Variants in MKX observed in about 807,000 individuals in gnomAD.
MKX encodes the protein mohawk homeobox, also known as homeobox protein Mohawk.
A neutral mutation model predicts 36.0 loss-of-function variants in MKX; 13 were observed. The ratio of observed to expected loss-of-function variants is 0.36; its 90% CI spans 0.24 to 0.57. The LOEUF is 0.57. Ranked by LOEUF, MKX falls within the 20% of genes least tolerant of loss-of-function variation. The pLI, the probability that MKX is intolerant of heterozygous loss-of-function variation, is 0.79. For synonymous variants in MKX, 176 were observed against 178.3 expected, an observed-to-expected ratio of 0.99 and a Z score of 0.10; for missense variants, 458 against 456.4, an observed-to-expected ratio of 1.00 and a Z score of -0.03.
chr10:27,700,201 C>A (rs191146809), intron 5 of MKX, among the ~76,000 whole-genome samples: 511 of 152,310 alleles, frequency 3.4e-3, no homozygotes, highest in Non-Finnish European at 5.5e-3. Flanking sequence ...GATTTACTAA[C>A]AAAGTATGGT....
intron 5 of MKX, among the ~76,000 whole-genome samples, chr10:27,726,304 T>C (rs1834487184): frequency 6.6e-6 from 1 of 152,216 alleles, no homozygotes. Flanking sequence ...TATTCTCATA[T>C]GCAGCTAAAA....
intron 5 of MKX, among the ~76,000 whole-genome samples, chr10:27,715,549 TC>T (rs1836949058): frequency 1.3e-5 from 2 of 152,122 alleles, no homozygotes; most frequent in Non-Finnish European, 2.9e-5. Context: ...ACACTGTTAA[TC>T]CCCTCAGAGA....
At chr10:27,736,823 T>C (rs991323081) in intron 3 of MKX, among the ~76,000 whole-genome samples, 1 of 152,148 alleles carries the variant, frequency 6.6e-6, no homozygotes, top group Non-Finnish European at 1.5e-5. Flanking sequence ...TCTTTGTACC[T>C]GAAGCAATGA....
chr10:27,729,347 G>T (rs1834569542), intron 5 of MKX, among the ~76,000 whole-genome samples: 1 of 137,514 alleles, frequency 7.3e-6, no homozygotes, highest in Admixed American at 8.1e-5. Flanking sequence ...AGACTGGAGT[G>T]CAGTGGCATG....
intron 5 of MKX, among the ~76,000 whole-genome samples, chr10:27,722,042 T>A (rs897393424): frequency 2.6e-5 from 4 of 152,144 alleles, no homozygotes; most frequent in Non-Finnish European, 5.9e-5. Flanking sequence ...GTATATAACA[T>A]GTACTTAAAA....
chr10:27,737,850 G>C (rs1331884638), intron 3 of MKX, among the ~76,000 whole-genome samples: 1 of 152,014 alleles, frequency 6.6e-6, no homozygotes, highest in Non-Finnish European at 1.5e-5. Context: ...ACCACACATA[G>C]TACAGTGTAA....
At chr10:27,692,718 T>A (rs563238410) in intron 5 of MKX, among the ~76,000 whole-genome samples, 13 of 152,358 alleles carry the variant, frequency 8.5e-5, no homozygotes, top group Admixed American at 2.0e-4. Context: ...TAAAGTGAAC[T>A]TAGTTTCTGC....
chr10:27,698,249 G>A (rs959449951), intron 5 of MKX, among the ~76,000 whole-genome samples: 1 of 152,166 alleles, frequency 6.6e-6, no homozygotes, highest in Non-Finnish European at 1.5e-5. Flanking sequence ...TGTGTGCCAA[G>A]ATAAGGAAAG....
chr10:27,685,433 C>A lies in MKX; in HGVS notation c.839-9879G>T, dbSNP rs988249496. ...TGTCTTGAGATCTTCTTTATACTTT[C>A]AGCAGAGTGATTTTTTTTTTTTTTT... On this transcript the variant is annotated intron_variant, in intron 5 of 6. Transcript: ENST00000419761. Among the ~76,000 whole-genome samples, 40 of 140,694 alleles carry A rather than the reference C, an allele frequency of 2.8e-4. No homozygotes were observed. In the Middle Eastern group the frequency reaches 0.011, roughly 39 times the overall value. The allele number at this position is 140,694 out of a possible 152,430, so 92.3% of individuals were successfully genotyped here. A position where few individuals can be genotyped will look rare whatever the true frequency, so the allele number is the denominator to read the frequency against.
At position 27,743,330 on chromosome 10, in the gene MKX, G is replaced by C. The variant is rs760289731; in HGVS notation, c.86C>G (p.Pro29Arg). ...GASERERGGR[P>R]YSGVLDSPHA... ...AGGACTGTCCAGGACACCGCTGTAGGGCCGGCCACCCCGCTCCCGCTCCGA... is the reference window on the plus strand; with the variant it reads ...AGGACTGTCCAGGACACCGCTGTAGCGCCGGCCACCCCGCTCCCGCTCCGA... The change falls in exon 2 of 7, where the codon CCC becomes CGC. Residue 29 changes from proline (P) to arginine (R), a missense_variant. Physicochemically the swap from Pro to Arg is moderately radical, Grantham distance 103 (BLOSUM62 -2). This residue lies in a region of MKX where 149 missense variants were observed against 114.3 expected (regional missense o/e 1.30). Transcript: ENST00000419761. 6.3e-7 allele frequency: 1 copy of C among 1,585,060 alleles called. No homozygotes were observed. The highest frequency in any genetic ancestry group is 1.2e-5 in the South Asian group (1 of 86,494).
chr10:27,691,639 G>A (rs1412062360), intron 5 of MKX, among the ~76,000 whole-genome samples: 1 of 152,120 alleles, frequency 6.6e-6, no homozygotes, highest in East Asian at 1.9e-4. Context: ...TTTGGGGTAT[G>A]AAGGATCCTG....
At chr10:27,695,919 T>C (rs946375927) in intron 5 of MKX, among the ~76,000 whole-genome samples, 3 of 152,168 alleles carry the variant, frequency 2.0e-5, no homozygotes, top group African/African-American at 7.2e-5. Flanking sequence ...TTATGATTAA[T>C]TGAAGAAGTA....
At chr10:27,736,004 T>G (rs1834763552) in intron 3 of MKX, among the ~76,000 whole-genome samples, 1 of 152,164 alleles carries the variant, frequency 6.6e-6, no homozygotes, top group Non-Finnish European at 1.5e-5. Flanking sequence ...AATGATGTGT[T>G]TGGCTTGGGC....
At chr10:27,677,742 A>G (rs1836180485) in intron 5 of MKX, among the ~76,000 whole-genome samples, 1 of 152,246 alleles carries the variant, frequency 6.6e-6, no homozygotes, top group Non-Finnish European at 1.5e-5. Context: ...TGAAGAACAC[A>G]TGAGATCATG....
chr10:27,725,950 GA>G (rs767786651), intron 5 of MKX, among the ~76,000 whole-genome samples: 3 of 152,010 alleles, frequency 2.0e-5, no homozygotes, highest in Admixed American at 6.6e-5. Flanking sequence ...GATTTTTTAC[GA>G]CTTATTTAGA....
chr10:27,708,919 A>G (rs1197978998), intron 5 of MKX, among the ~76,000 whole-genome samples: 1 of 152,172 alleles, frequency 6.6e-6, no homozygotes, highest in Non-Finnish European at 1.5e-5. Context: ...CTGTAATCCT[A>G]GCACTTTGGG....
chr10:27,711,493 CT>C (rs1836863370), intron 5 of MKX, among the ~76,000 whole-genome samples: 5 of 30,542 alleles, frequency 1.6e-4, no homozygotes, highest in South Asian at 1.4e-3. Flanking sequence ...CTCTCTCTCT[CT>C]CTTCTTTCCT....
At chr10:27,733,355 T>G (rs1834675832) in intron 5 of MKX, among the ~76,000 whole-genome samples, 1 of 152,226 alleles carries the variant, frequency 6.6e-6, no homozygotes, top group South Asian at 2.1e-4. Context: ...CTACTGTTCA[T>G]GGACCAAGCT....
At chr10:27,711,499 T>TCCCTTCCTTCCTTCC (rs1554772224) in intron 5 of MKX, among the ~76,000 whole-genome samples, 7 of 93,072 alleles carry the variant, frequency 7.5e-5, no homozygotes, top group African/African-American at 2.1e-4. Flanking sequence ...CTCTCTCTTC[T>TCCCTTCCTTCCTTCC]TTCCTTCCTT....
Sources: gnomAD v4.1 joint callset for allele counts (sites outside exome capture counted in the v4.1 genomes callset) on GRCh38, gnomAD v4.1.1 for gene constraint, gnomAD v4.1.1 regional missense constraint, MANE v1.5 for transcripts, NCBI Gene and HGNC (gene_info 2026-07-23, HGNC 2026-07-21) for gene names.